Variants in STARD10 observed in about 807,000 individuals in gnomAD.
STARD10 encodes the protein START domain-containing protein 10.
In STARD10, 24 loss-of-function variants were observed where a neutral mutation model predicts 36.0. The observed-to-expected ratio is 0.67, with a 90% CI of 0.48 to 0.94. The LOEUF (loss-of-function observed/expected upper bound fraction) is 0.94, where lower values mean the gene tolerates loss of function less well. Among genes scored for constraint, STARD10 ranks in the 40% least tolerant of loss-of-function variants. STARD10 has a pLI of 0.00. For synonymous variants in STARD10, 156 were observed against 161.9 expected, an observed-to-expected ratio of 0.96 and a Z score of 0.28; for missense variants, 335 against 396.6, an observed-to-expected ratio of 0.84 and a Z score of 1.32.
chr11:72,789,947 C>T (rs1042969658), intron 1 of STARD10, among the ~76,000 whole-genome samples: 3 of 152,198 alleles, frequency 2.0e-5, no homozygotes, highest in African/African-American at 7.2e-5. Flanking sequence ...CCGTGACTCA[C>T]TCCTCTGAGC....
At chr11:72,786,692 TAC>T (rs909991945) in intron 1 of STARD10, among the ~76,000 whole-genome samples, 4 of 151,794 alleles carry the variant, frequency 2.6e-5, no homozygotes, top group Middle Eastern at 3.4e-3. Flanking sequence ...ACCTTGGTAT[TAC>T]ACAGGGCCAG....
rs1338171203 is a variant in STARD10 at position 72,771,071 on chromosome 11, G to C, written c.207+9904C>G. Among the ~76,000 whole-genome samples the C allele has an allele frequency of 7.2e-5, 11 of 152,208 alleles. 1 individual carries two copies. The highest frequency in any genetic ancestry group is 6.5e-4 in the Admixed American group (10 of 15,272). Reference sequence around the variant, plus strand: ...GAATTCTATCCTCTCAACTATCTGGGAGGAGGGACAATTATACTCATTGGT... The same window carrying C: ...GAATTCTATCCTCTCAACTATCTGGCAGGAGGGACAATTATACTCATTGGT... On this transcript the variant is annotated intron_variant, in intron 2 of 6. Coordinates refer to ENST00000334805, the MANE Select transcript of STARD10 (RefSeq NM_006645.3).
chr11:72,774,665 C>A (rs1565242516), intron 2 of STARD10, among the ~76,000 whole-genome samples: 1 of 152,186 alleles, frequency 6.6e-6, no homozygotes, highest in African/African-American at 2.4e-5. Context: ...GGTGAGGGAT[C>A]GGGGCTGAAA....
intron 2 of STARD10, among the ~76,000 whole-genome samples, chr11:72,763,232 T>G (rs1858744189): frequency 6.6e-6 from 1 of 152,162 alleles, no homozygotes; most frequent in Admixed American, 6.5e-5. Flanking sequence ...ACTGTAGATA[T>G]TCCATCGAAT....
intron 2 of STARD10, among the ~76,000 whole-genome samples, chr11:72,767,732 C>T (rs1156318341): frequency 6.6e-6 from 1 of 152,214 alleles, no homozygotes; most frequent in East Asian, 1.9e-4. Context: ...GCCCAGAGTT[C>T]ATACAGCAGT....
rs1157217951 is a variant in STARD10 at position 72,794,032 on chromosome 11, TCCA to T, written c.-1274_-1272del. ...CAAGCCCCACGTGCAGGTTCTGGCA[TCCA>T]TCATGGCAAACTGGAGACCGCGGTG... On this transcript the variant is annotated 5_prime_UTR_variant, in exon 1 of 7. An upstream start codon of the reference 5' UTR is lost. Coordinates refer to ENST00000334805, the MANE Select transcript of STARD10 (RefSeq NM_006645.3). 4 of 152,220 alleles carry T rather than the reference TCCA, an allele frequency of 2.6e-5. No individual in the cohort carries two copies. The highest frequency in any genetic ancestry group is 5.9e-5 in the Non-Finnish European group (4 of 68,044). 9.4% of individuals were successfully genotyped at this position (152,220 alleles called of 1,614,324 possible).
rs982030401 is a variant in STARD10 at position 72,759,157 on chromosome 11, A to AG, written c.355+76dup. On this transcript the variant is annotated intron_variant, in intron 3 of 6. Coordinates refer to ENST00000334805, the MANE Select transcript of STARD10 (RefSeq NM_006645.3). Reference sequence around the variant, plus strand: ...GGTCATGTGAGTAACCACAGGAGGGAGGGGGGAAGAGGAGGCTTGGTGGGA... The same window carrying AG: ...GGTCATGTGAGTAACCACAGGAGGGAGGGGGGGAAGAGGAGGCTTGGTGGGA... The AG allele has an allele frequency of 7.1e-5, 110 of 1,544,130 alleles. 1 individual carries two copies. The highest frequency in any genetic ancestry group is 6.9e-4 in the East Asian group (30 of 43,390).
chr11:72,767,832 C>T (rs1013211199), intron 2 of STARD10, among the ~76,000 whole-genome samples: 1 of 152,222 alleles, frequency 6.6e-6, no homozygotes, highest in Non-Finnish European at 1.5e-5. Context: ...GCCCCAACAT[C>T]TCATCTGTCA....
intron 2 of STARD10, among the ~76,000 whole-genome samples, chr11:72,774,773 C>T (rs937998366): frequency 2.0e-5 from 3 of 152,250 alleles, no homozygotes; most frequent in Admixed American, 1.3e-4. Context: ...GCAGAGGCCC[C>T]GGAGCCCCAC....
At chr11:72,755,974 T>A in intron 5 of STARD10, 1 of 475,564 alleles carries the variant, frequency 2.1e-6, no homozygotes. Context: ...CTGCCCAGCC[T>A]CAAAGATTAC....
At chr11:72,769,510 A>G (rs1459486607) in intron 2 of STARD10, among the ~76,000 whole-genome samples, 1 of 152,060 alleles carries the variant, frequency 6.6e-6, no homozygotes, top group African/African-American at 2.4e-5. Flanking sequence ...CGCCTGGCTA[A>G]TTTTTGTATT....
Position 72,758,524 on chromosome 11 carries a change from A to G in STARD10, c.459+6T>C, listed in dbSNP as rs1239924251. On this transcript the variant is annotated splice_donor_region_variant and intron_variant, in intron 4 of 6. Transcript: ENST00000334805. ...GCTCCACCGCAGGGAAGGCAGGTTG[A>G]CTCACGGGATGTTTGACTGAGTAGT... 10 of 1,612,344 alleles carry G rather than the reference A, an allele frequency of 6.2e-6. No individual in the cohort carries two copies. The South Asian group carries it at 9.9e-5, about 16-fold the overall frequency.
chr11:72,766,150 G>A (rs1858785783), intron 2 of STARD10: 1 of 152,042 alleles, frequency 6.6e-6, no homozygotes, highest in African/African-American at 2.4e-5. Flanking sequence ...TACTCCAGTG[G>A]GTTTCCGTGA....
chr11:72,761,912 C>CTTTTCTTTTTTTTTTTTT (rs1858721760), intron 2 of STARD10, among the ~76,000 whole-genome samples: 1 of 80,632 alleles, frequency 1.2e-5, no homozygotes, highest in Non-Finnish European at 2.7e-5. Flanking sequence ...TTTTTCTTTT[C>CTTTTCTTTTTTTTTTTTT]TTTTCTTTTT....
chr11:72,766,595 T>C (rs1017351287), intron 2 of STARD10, among the ~76,000 whole-genome samples: 1 of 152,134 alleles, frequency 6.6e-6, no homozygotes, highest in Admixed American at 6.5e-5. Flanking sequence ...GCCCAAGCTG[T>C]ATCTCACTCT....
rs202137453 is a variant in STARD10 at position 72,755,745 on chromosome 11, G to A, written c.586C>T (p.Pro196Ser). Reference protein sequence around the residue: ...LAQVDPKGSLPKWVVNKSSQF... With the variant: ...LAQVDPKGSLSKWVVNKSSQF... ...GAAGATTTATTCACCACCCACTTGG[G>A]TAAGGAGCCTGTGAGGGCAGGGAAG... Residue 196 changes from proline (P) to serine (S), a missense_variant, in exon 6 of 7, where the codon CCC (proline) becomes TCC (serine). Physicochemically the swap from Pro to Ser is moderately conservative, Grantham distance 74 (BLOSUM62 -1). Transcript: ENST00000334805. 143 of 1,612,928 alleles carry A rather than the reference G, an allele frequency of 8.9e-5. No homozygotes were observed. The highest frequency in any genetic ancestry group is 8.5e-6 in the Non-Finnish European group (10 of 1,179,438).
intron 2 of STARD10, among the ~76,000 whole-genome samples, chr11:72,772,152 G>A (rs1342489571): frequency 6.6e-6 from 1 of 152,072 alleles, no homozygotes; most frequent in Non-Finnish European, 1.5e-5. Flanking sequence ...GCCATAGTGG[G>A]CATGGTTCTC....
intron 2 of STARD10, among the ~76,000 whole-genome samples, chr11:72,763,857 A>G (rs1693504603): frequency 6.6e-6 from 1 of 152,172 alleles, no homozygotes; most frequent in Admixed American, 6.5e-5. Flanking sequence ...TCTTCACCCT[A>G]AACCTAGCTG....
At chr11:72,790,026 GA>G (rs1486868046) in intron 1 of STARD10, among the ~76,000 whole-genome samples, 1 of 152,174 alleles carries the variant, frequency 6.6e-6, no homozygotes, top group Non-Finnish European at 1.5e-5. Flanking sequence ...TCAGACTGAT[GA>G]AGGCCCCACA....
Sources: allele counts gnomAD v4.1 joint callset (sites outside exome capture counted in the v4.1 genomes callset), GRCh38; gene constraint gnomAD v4.1.1; transcripts MANE v1.5; gene names NCBI Gene and HGNC (gene_info 2026-07-23, HGNC 2026-07-21).